The following RIMBP2 variants were observed in gnomAD, a reference collection of about 807,000 sequenced individuals.
RIMBP2 encodes RIMS-binding protein 2.
Under a neutral mutation model 118.6 loss-of-function variants are expected in RIMBP2, and 48 were observed. The ratio of observed to expected loss-of-function variants is 0.40; its 90% confidence interval spans 0.32 to 0.51. The LOEUF (loss-of-function observed/expected upper bound fraction) is 0.51. Ranked by LOEUF, RIMBP2 falls within the 20% of genes least tolerant of loss-of-function variation. The probability of loss-of-function intolerance (pLI) is 0.41; values close to 1 mark genes in which losing one functional copy is unlikely to be tolerated. For synonymous variants in RIMBP2, 762 were observed against 742.9 expected, an observed-to-expected ratio of 1.03 and a Z score of -0.42; for missense variants, 1,551 against 1,768.3, an observed-to-expected ratio of 0.88 and a Z score of 2.20.
chr12:130,644,368 G>C (rs556459140), intron 1 of RIMBP2, among the ~76,000 whole-genome samples: 1 of 152,140 alleles, frequency 6.6e-6, no homozygotes, highest in Non-Finnish European at 1.5e-5. Flanking sequence ...TGTCACCTTG[G>C]TTAAGAGCAC....
chr12:130,604,582 C>CCTTTTTT (rs2060062778), intron 2 of RIMBP2, among the ~76,000 whole-genome samples: 3 of 67,268 alleles, frequency 4.5e-5, no homozygotes, highest in African/African-American at 1.8e-4. Flanking sequence ...TGCCCCTTTT[C>CCTTTTTT]TTTCTTTTTT....
intron 5 of RIMBP2, among the ~76,000 whole-genome samples, chr12:130,474,806 C>T (rs1043502353): frequency 3.3e-5 from 5 of 152,136 alleles, no homozygotes; most frequent in African/African-American, 9.7e-5. Flanking sequence ...GGTCCCAGCC[C>T]GGACACGCTG....
At chr12:130,583,381 C>T (rs2058599434) in intron 2 of RIMBP2, among the ~76,000 whole-genome samples, 1 of 147,282 alleles carries the variant, frequency 6.8e-6, no homozygotes, top group Non-Finnish European at 1.5e-5. Flanking sequence ...ATCACCATGA[C>T]CATCACCACC....
intron 1 of RIMBP2, chr12:130,668,136 C>T (rs1224922538): frequency 6.6e-6 from 1 of 152,168 alleles, no homozygotes; most frequent in Admixed American, 6.5e-5. Context: ...AGTGTGGGGG[C>T]CTCAGGTGGA....
At chr12:130,630,812 T>C (rs1374570159) in intron 1 of RIMBP2, among the ~76,000 whole-genome samples, 1 of 152,184 alleles carries the variant, frequency 6.6e-6, no homozygotes, top group Non-Finnish European at 1.5e-5. Context: ...AACTTAAGGT[T>C]CTATACCCAA....
chr12:130,421,043 G>A (rs770350638), intron 17 of RIMBP2: 7 of 152,200 alleles, frequency 4.6e-5, no homozygotes, highest in Non-Finnish European at 1.0e-4. Context: ...ACCACAGAGA[G>A]AGAATGAGAG....
intron 2 of RIMBP2, among the ~76,000 whole-genome samples, chr12:130,609,928 G>A (rs1362391452): frequency 1.3e-5 from 2 of 152,094 alleles, no homozygotes; most frequent in African/African-American, 2.4e-5. Flanking sequence ...TTGGGCCCTC[G>A]ATGAATCAGA....
intron 1 of RIMBP2, among the ~76,000 whole-genome samples, chr12:130,669,868 T>C (rs1468574138): frequency 6.6e-6 from 1 of 152,060 alleles, no homozygotes; most frequent in East Asian, 1.9e-4. Flanking sequence ...TCTTCAAGTG[T>C]CCGTACTTGG....
intron 1 of RIMBP2, among the ~76,000 whole-genome samples, chr12:130,671,675 T>C (rs2064203409): frequency 6.6e-6 from 1 of 152,178 alleles, no homozygotes; most frequent in African/African-American, 2.4e-5. Context: ...GCAGCACCGC[T>C]GGCTTCTACC....
chr12:130,642,410 G>A (rs1251591094), intron 1 of RIMBP2, among the ~76,000 whole-genome samples: 1 of 152,140 alleles, frequency 6.6e-6, no homozygotes, highest in Non-Finnish European at 1.5e-5. Context: ...TCAGCCTCCT[G>A]AGTAGCTGGG....
At chr12:130,693,890 C>T (rs1053628237) in intron 1 of RIMBP2, among the ~76,000 whole-genome samples, 1 of 152,160 alleles carries the variant, frequency 6.6e-6, no homozygotes, top group Non-Finnish European at 1.5e-5. Flanking sequence ...GGCTGGAGCT[C>T]CACCAGCTGT....
At chr12:130,436,006 C>G (rs996564772) in intron 13 of RIMBP2, among the ~76,000 whole-genome samples, 1 of 152,220 alleles carries the variant, frequency 6.6e-6, no homozygotes, top group Non-Finnish European at 1.5e-5. Context: ...ACCCCACAGG[C>G]TGACCCAGCA....
intron 2 of RIMBP2, among the ~76,000 whole-genome samples, chr12:130,596,797 G>C (rs1239447766): frequency 1.3e-5 from 2 of 152,178 alleles, no homozygotes; most frequent in East Asian, 3.8e-4. Flanking sequence ...ATTTTTCAAA[G>C]ATAACCAAAC....
Position 130,671,204 on chromosome 12 carries a change from A to G in RIMBP2, c.-351-42748T>C, listed in dbSNP as rs111328039. ...CTTGAGGGGGCAAAAAAAATAAGAG[A>G]CCCCGGCCCTGATCCAATGTCACAG... On this transcript the variant is annotated intron_variant, in intron 1 of 22. Coordinates refer to ENST00000690449, the MANE Select transcript of RIMBP2 (RefSeq NM_001393629.1). 9.0e-3 allele frequency among the ~76,000 whole-genome samples: 1,365 copies of G among 151,934 alleles called. 24 individuals carry two copies. The highest frequency in any genetic ancestry group is 0.031 in the African/African-American group (1,280 of 41,408).
rs11060988 is a variant in RIMBP2 at position 130,549,410 on chromosome 12, G to A, written c.-216-31493C>T. On this transcript the variant is annotated intron_variant, in intron 2 of 22. Coordinates refer to ENST00000690449, the MANE Select transcript of RIMBP2 (RefSeq NM_001393629.1). ...AGGCTTGGGGTACAAGTGAAGATCT[G>A]TTACACAGGTAAACTCATATCACAG... Among the ~76,000 whole-genome samples the A allele has an allele frequency of 4.3e-3, 650 of 152,208 alleles. 6 individuals carry two copies. The highest frequency in any genetic ancestry group is 0.015 in the African/African-American group (604 of 41,508).
At chr12:130,591,927 G>C (rs1305977035) in intron 2 of RIMBP2, among the ~76,000 whole-genome samples, 1 of 152,190 alleles carries the variant, frequency 6.6e-6, no homozygotes, top group Non-Finnish European at 1.5e-5. Flanking sequence ...AGCCTGGATG[G>C]CTGCCCTGCG....
chr12:130,709,424 A>G (rs1379293187), intron 1 of RIMBP2, among the ~76,000 whole-genome samples: 3 of 152,242 alleles, frequency 2.0e-5, no homozygotes, highest in African/African-American at 7.2e-5. Context: ...GTGACGCCCG[A>G]CAGCAGAGCT....
At chr12:130,606,671 G>A (rs1594012129) in intron 2 of RIMBP2, among the ~76,000 whole-genome samples, 2 of 152,254 alleles carry the variant, frequency 1.3e-5, no homozygotes, top group South Asian at 4.1e-4. Flanking sequence ...GGAGCAAGCG[G>A]TAGAGATCAT....
At chr12:130,705,570 A>G (rs1185882672) in intron 1 of RIMBP2, among the ~76,000 whole-genome samples, 1 of 152,228 alleles carries the variant, frequency 6.6e-6, no homozygotes, top group African/African-American at 2.4e-5. Context: ...CCAGCTCCTC[A>G]CTAACGAACA....
Sources: allele counts gnomAD v4.1 joint callset (sites outside exome capture counted in the v4.1 genomes callset), GRCh38; gene constraint gnomAD v4.1.1; transcripts MANE v1.5; gene names NCBI Gene and HGNC (gene_info 2026-07-23, HGNC 2026-07-21).